ERAP1: variants seen among roughly 807,000 people sequenced by gnomAD.
ERAP1 encodes adipocyte-derived leucine aminopeptidase.
ERAP1 carries 86 observed loss-of-function variants against 103.7 expected under a neutral mutation model. The observed-to-expected ratio is 0.83, with a 90% CI of 0.70 to 0.99. ERAP1 has a LOEUF of 0.99. Ranked by LOEUF, ERAP1 falls within the 50% of genes least tolerant of loss-of-function variation. ERAP1 has a pLI of 0.00. For synonymous variants in ERAP1, 398 were observed against 402.4 expected, an observed-to-expected ratio of 0.99 and a Z score of 0.13; for missense variants, 1,009 against 1,128.4, an observed-to-expected ratio of 0.89 and a Z score of 1.52.
At position 96,803,873 on chromosome 5, in the gene ERAP1, G is replaced by C; in HGVS notation, c.54C>G (p.Ser18=). ...WSLATMSFLL[S]SLLALLTVST... is the part of the protein sequence containing the mutation. Reference sequence around the variant, plus strand: ...ACACAGTTAAGAGAGCCAACAGTGAGGAAAGTAGAAATGACATGGTTGCAA... The same window carrying C: ...ACACAGTTAAGAGAGCCAACAGTGACGAAAGTAGAAATGACATGGTTGCAA... Residue 18 remains serine (S), a synonymous_variant, in exon 2 of 19, where the codon TCC becomes TCG. Coordinates refer to ENST00000443439, the MANE Select transcript of ERAP1 (RefSeq NM_001040458.3). 1 of 1,613,088 alleles carries C rather than the reference G, an allele frequency of 6.2e-7. No individual in the cohort carries two copies. Among genetic ancestry groups the C allele is most frequent in the Non-Finnish European group, 8.5e-7 (1 of 1,180,026 alleles).
the ERAP1 span, among the ~76,000 whole-genome samples, chr5:96,890,610 G>A: frequency 8.0e-3 from 1,224 of 152,212 alleles, 5 homozygotes; most frequent in Non-Finnish European, 0.011. Context: ...TGGAATTTAG[G>A]ATATACTTCT....
chr5:96,917,345 T>C, the ERAP1 span: 1 of 832,050 alleles, frequency 1.2e-6, no homozygotes, highest in Non-Finnish European at 1.9e-6. Context: ...CGTATTGAAC[T>C]CCTGAGCTCA....
the ERAP1 span, chr5:96,895,332 T>C: frequency 6.2e-7 from 1 of 1,611,040 alleles, no homozygotes; most frequent in Non-Finnish European, 8.5e-7. Context: ...TTATCGCTGT[T>C]AATGCTACAT....
chr5:96,780,998 C>G, intron 17 of ERAP1, 60 bp downstream of exon 17: 2 of 1,601,222 alleles, frequency 1.2e-6, no homozygotes, highest in Non-Finnish European at 1.7e-6. Flanking sequence ...AACAGCAAGG[C>G]TAAAACACAG....
the ERAP1 span, among the ~76,000 whole-genome samples, chr5:96,828,983 A>C: frequency 6.6e-6 from 1 of 152,038 alleles, no homozygotes; most frequent in African/African-American, 2.4e-5. Context: ...AGTAGCTGGG[A>C]TTACAGGCAC....
At chr5:96,913,845 TG>T in the ERAP1 span, among the ~76,000 whole-genome samples, 1 of 152,168 alleles carries the variant, frequency 6.6e-6, no homozygotes, top group Non-Finnish European at 1.5e-5. Context: ...AGTTTTGTAC[TG>T]GGGGAAAATC....
chr5:96,765,141 A>G, intron 19 of ERAP1: 1 of 811,748 alleles, frequency 1.2e-6, no homozygotes, highest in South Asian at 1.5e-5. Context: ...TCCCTCCTGA[A>G]AAGATGGAGT....
At chr5:96,860,450 G>A in the ERAP1 span, among the ~76,000 whole-genome samples, 1 of 152,138 alleles carries the variant, frequency 6.6e-6, no homozygotes. Context: ...CTGTGTTGTT[G>A]TTTGTGGTGG....
the ERAP1 span, among the ~76,000 whole-genome samples, chr5:96,844,021 C>A: frequency 6.6e-6 from 1 of 152,128 alleles, no homozygotes; most frequent in Non-Finnish European, 1.5e-5. Context: ...CCCTTACTTG[C>A]AAGCCATCTA....
chr5:96,793,240 C>T (rs1312597812), intron 7 of ERAP1, among the ~76,000 whole-genome samples, 160 bp downstream of exon 7: 1 of 152,150 alleles, frequency 6.6e-6, no homozygotes, highest in Non-Finnish European at 1.5e-5. Flanking sequence ...CTTGAAAGTT[C>T]ACTAGCATTT....
chr5:96,825,547 C>G, the ERAP1 span, among the ~76,000 whole-genome samples: 1 of 152,192 alleles, frequency 6.6e-6, no homozygotes, highest in Non-Finnish European at 1.5e-5. Flanking sequence ...TTCCCAGGAT[C>G]TAACAGAGAA....
the ERAP1 span, among the ~76,000 whole-genome samples, chr5:96,822,473 A>G: frequency 1.3e-5 from 2 of 152,232 alleles, no homozygotes; most frequent in African/African-American, 4.8e-5. Flanking sequence ...CAGATAAAGT[A>G]TAATTCCAAA....
At chr5:96,824,295 T>C in the ERAP1 span, among the ~76,000 whole-genome samples, 17 of 152,322 alleles carry the variant, frequency 1.1e-4, no homozygotes, top group East Asian at 3.1e-3. Flanking sequence ...GGCAATCCAC[T>C]GGCAGCCTGG....
chr5:96,817,337 G>A, the ERAP1 span, among the ~76,000 whole-genome samples: 2 of 152,102 alleles, frequency 1.3e-5, no homozygotes, highest in Non-Finnish European at 2.9e-5. Context: ...AACTAACCAA[G>A]CATCAGTTAG....
At chr5:96,779,688 T>C (rs1218466239) in intron 18 of ERAP1, 1 of 153,786 alleles carries the variant, frequency 6.5e-6, no homozygotes, top group African/African-American at 2.4e-5. Context: ...AACCTTATTA[T>C]AGAAGGGACA....
the ERAP1 span, among the ~76,000 whole-genome samples, chr5:96,857,527 C>A: frequency 6.6e-6 from 1 of 152,074 alleles, no homozygotes; most frequent in African/African-American, 2.4e-5. Flanking sequence ...TAAAAAACTA[C>A]AAATGCAACC....
At chr5:96,879,718 C>T in the ERAP1 span, 80 of 1,614,114 alleles carry the variant, frequency 5.0e-5, no homozygotes, top group African/African-American at 5.3e-4. Context: ...TTAATTCACA[C>T]AGAAAACCAA....
At chr5:96,913,485 G>A in the ERAP1 span, 2 of 1,612,194 alleles carry the variant, frequency 1.2e-6, no homozygotes, top group Admixed American at 1.7e-5. Context: ...TCCAATGTTT[G>A]TTCTTCCATG....
the ERAP1 span, chr5:96,900,315 T>C: frequency 5.0e-6 from 7 of 1,395,208 alleles, no homozygotes; most frequent in Non-Finnish European, 5.7e-6. Context: ...CCCCCACGAT[T>C]TTCTCTAAAA....
Sources: gnomAD v4.1 joint callset for allele counts (sites outside exome capture counted in the v4.1 genomes callset) on GRCh38, gnomAD v4.1.1 for gene constraint, MANE v1.5 for transcripts, NCBI Gene and HGNC (gene_info 2026-07-23, HGNC 2026-07-21) for gene names.